Variants in ATP1A4 observed in about 807,000 individuals in gnomAD.
ATP1A4 encodes the protein ATPase Na+/K+ transporting subunit alpha 4.
In ATP1A4, 90 loss-of-function variants were observed where a neutral mutation model predicts 114.3. The observed-to-expected ratio is 0.79, with a 90% CI of 0.66 to 0.94. The LOEUF (loss-of-function observed/expected upper bound fraction) is 0.94, where lower values mean the gene tolerates loss of function less well. Among genes scored for constraint, ATP1A4 ranks in the 40% least tolerant of loss-of-function variants. The pLI is 0.00. For synonymous variants in ATP1A4, 511 were observed against 494.1 expected, an observed-to-expected ratio of 1.03 and a Z score of -0.45; for missense variants, 1,222 against 1,313.6, an observed-to-expected ratio of 0.93 and a Z score of 1.08.
chr1:160,165,530 T>A (rs775361131), intron 7 of ATP1A4, among the ~76,000 whole-genome samples: 3 of 150,554 alleles, frequency 2.0e-5, no homozygotes, highest in South Asian at 4.2e-4. Context: ...GAGGCCAAGG[T>A]GGGCGGATCA....
In ATP1A4 at chr1:160,155,101, T is replaced by C; in HGVS notation, c.264T>C (p.Val88=). 1 of 1,613,986 alleles carries C rather than the reference T, an allele frequency of 6.2e-7. No individual in the cohort carries two copies. Among genetic ancestry groups the C allele is most frequent in the Non-Finnish European group, 8.5e-7 (1 of 1,179,918 alleles). Residue 88 remains valine (V), a synonymous_variant, in exon 3 of 22, where the codon GTT becomes GTC. Coordinates refer to ENST00000368081, the MANE Select transcript of ATP1A4 (RefSeq NM_144699.4). ...EILTRGGPNT[V]TPPPTTPEWV... ...TGACTCGAGGTGGACCCAATACTGTTACCCCACCCCCCACCACTCCAGAAT... is the reference window on the plus strand; with the variant it reads ...TGACTCGAGGTGGACCCAATACTGTCACCCCACCCCCCACCACTCCAGAAT...
intron 10 of ATP1A4, 84 bp from the exon 11 acceptor site, chr1:160,171,167 T>TC (rs746080373): frequency 1.6e-4 from 215 of 1,309,010 alleles, no homozygotes; most frequent in Non-Finnish European, 2.0e-4. Context: ...CACATTTTTT[T>TC]ACCTTTGAAA....
Position 160,159,496 on chromosome 1 carries a change from A to G in ATP1A4, c.748A>G (p.Ile250Val), listed in dbSNP as rs1652795683. 1 of 1,613,710 alleles carries G rather than the reference A, an allele frequency of 6.2e-7. No individual in the cohort carries two copies. The highest frequency in any genetic ancestry group is 8.5e-7 in the Non-Finnish European group (1 of 1,179,868). The change falls in exon 6 of 22, where the codon ATC (isoleucine) becomes GTC (valine). Residue 250 changes from isoleucine to valine, a missense_variant. Coordinates refer to ENST00000368081, the MANE Select transcript of ATP1A4 (RefSeq NM_144699.4). ...TGAGAACCCTCTGGAGACCCGAAAC[A>G]TCTGCTTCTTTTCCACCAACTGTGT... ...THENPLETRN[I>V]CFFSTNCVEG... is the part of the protein sequence containing the mutation.
intron 3 of ATP1A4, among the ~76,000 whole-genome samples, chr1:160,155,699 A>G (rs974103758): frequency 1.3e-5 from 2 of 152,094 alleles, no homozygotes; most frequent in Non-Finnish European, 2.9e-5. Flanking sequence ...TCCCCAAAGC[A>G]CTTTGCAGTC....
In ATP1A4 at chr1:160,174,654, A is replaced by G. The variant is rs749181324; in HGVS notation, c.2218A>G (p.Met740Val). 2 of 1,614,196 alleles carry G rather than the reference A, an allele frequency of 1.2e-6. No homozygotes were observed. Among genetic ancestry groups the G allele is most frequent in the Non-Finnish European group, 1.7e-6 (2 of 1,180,042 alleles). ...ALKKADIGIA[M>V]GISGSDVSKQ... ...GAAGAAGGCTGACATTGGCATTGCC[A>G]TGGGCATCTCTGGCTCTGACGTCTC... is the stretch of plus-strand genomic sequence containing the variant. The change falls in exon 15 of 22, where the codon ATG (methionine) becomes GTG (valine). Residue 740 changes from methionine (M) to valine (V), a missense_variant. By Grantham distance (21) the Met-to-Val change is conservative. Transcript: ENST00000368081.
At chr1:160,173,518 A>G (rs1249653353) in intron 12 of ATP1A4, 63 bp from the exon 13 acceptor site, 1 of 1,583,558 alleles carries the variant, frequency 6.3e-7, no homozygotes, top group African/African-American at 1.3e-5. Context: ...CTCAGAGGAG[A>G]AAAATGAAGG....
intron 7 of ATP1A4, 121 bp from the exon 8 acceptor site, chr1:160,166,407 A>C: frequency 7.8e-7 from 1 of 1,290,084 alleles, no homozygotes; most frequent in Non-Finnish European, 1.1e-6. Context: ...GTAGGTGGGA[A>C]CAAAAGGGAA....
At chr1:160,171,208 G>A (rs1209804) in intron 10 of ATP1A4, 43 bp from the exon 11 acceptor site, 830,192 of 1,530,276 alleles carry the variant, frequency 0.54, 231,518 homozygotes, top group East Asian at 0.9. Context: ...CTGATCCTTG[G>A]TCTCTCCTCC....
At chr1:160,168,309 C>G (rs1057362512) in intron 10 of ATP1A4, among the ~76,000 whole-genome samples, 1 of 151,772 alleles carries the variant, frequency 6.6e-6, no homozygotes, top group Non-Finnish European at 1.5e-5. Context: ...ACTGAAAAGG[C>G]CAGACATTCA....
intron 18 of ATP1A4, among the ~76,000 whole-genome samples, chr1:160,178,219 G>A (rs1161771110): frequency 6.6e-6 from 1 of 152,008 alleles, no homozygotes; most frequent in Non-Finnish European, 1.5e-5. Context: ...GCCGGGCGTG[G>A]TGGCGCATGC....
At chr1:160,169,411 C>T (rs565538733) in intron 10 of ATP1A4, among the ~76,000 whole-genome samples, 27 of 152,330 alleles carry the variant, frequency 1.8e-4, no homozygotes, top group South Asian at 8.3e-4. Flanking sequence ...ACCTCCTGGG[C>T]CCTTCACTTA....
chr1:160,156,424 G>C (rs1652668520), intron 4 of ATP1A4, among the ~76,000 whole-genome samples: 1 of 142,302 alleles, frequency 7.0e-6, no homozygotes, highest in South Asian at 2.4e-4. Context: ...CCCCAAATAA[G>C]AACATTCTAT....
chr1:160,156,605 G>A (rs1020764499), intron 4 of ATP1A4, among the ~76,000 whole-genome samples: 1 of 152,016 alleles, frequency 6.6e-6, no homozygotes, highest in Non-Finnish European at 1.5e-5. Context: ...CTGGGAGGCT[G>A]AGGCAACAGG....
chr1:160,178,267 ATCACTT>A (rs1653557686), intron 18 of ATP1A4, among the ~76,000 whole-genome samples: 1 of 152,180 alleles, frequency 6.6e-6, no homozygotes, highest in Non-Finnish European at 1.5e-5. Context: ...AGTCAGGAGA[ATCACTT>A]GAACCCGGGG....
chr1:160,159,740 C>T (rs1309526584), intron 6 of ATP1A4, among the ~76,000 whole-genome samples: 1 of 152,146 alleles, frequency 6.6e-6, no homozygotes, highest in Non-Finnish European at 1.5e-5. Context: ...TGTAGATTTT[C>T]GTGTGAATTG....
intron 9 of ATP1A4, 27 bp from the exon 10 acceptor site, chr1:160,167,251 C>T: frequency 3.8e-6 from 6 of 1,583,522 alleles, no homozygotes; most frequent in Non-Finnish European, 5.1e-6. Context: ...GCCCCTGGGG[C>T]TTACTATACA....
chr1:160,151,961 G>T lies in ATP1A4; in HGVS notation c.-80G>T. On this transcript the variant is annotated 5_prime_UTR_variant, in exon 1 of 22. Coordinates refer to ENST00000368081, the MANE Select transcript of ATP1A4 (RefSeq NM_144699.4). ...CTTCTCGTGGCCCCCTTGCCCGCGC[G>T]CCCTCTTCCCTTCCCCTTGCCTCAC... The T allele has an allele frequency of 6.6e-7, 1 of 1,516,718 alleles. No individual in the cohort carries two copies. Among genetic ancestry groups the T allele is most frequent in the Non-Finnish European group, 8.8e-7 (1 of 1,130,288 alleles). The allele number at this position is 1,516,718 out of a possible 1,614,324, so 94.0% of individuals were successfully genotyped here. A position where few individuals can be genotyped will look rare whatever the true frequency, so the allele number is the denominator to read the frequency against.
intron 18 of ATP1A4, 68 bp downstream of exon 18, chr1:160,177,732 A>T (rs1653532625): frequency 1.3e-6 from 2 of 1,569,224 alleles, no homozygotes; most frequent in East Asian, 4.5e-5. Context: ...GAGTGAGTGC[A>T]GCAAATTTTT....
chr1:160,184,099 C>T (rs995269468), intron 20 of ATP1A4, among the ~76,000 whole-genome samples: 9 of 151,944 alleles, frequency 5.9e-5, no homozygotes, highest in African/African-American at 1.7e-4. Flanking sequence ...ATTACAGGCA[C>T]GCGTCACCAC....
Sources: gnomAD v4.1 joint callset for allele counts (sites outside exome capture counted in the v4.1 genomes callset) on GRCh38, gnomAD v4.1.1 for gene constraint, MANE v1.5 for transcripts, NCBI Gene and HGNC (gene_info 2026-07-23, HGNC 2026-07-21) for gene names.